C9orf57: variants seen among roughly 807,000 people sequenced by gnomAD.
The protein encoded by C9orf57 is uncharacterized protein C9orf57.
Under a neutral mutation model 12.9 loss-of-function variants are expected in C9orf57, and 12 were observed. That is an observed-to-expected ratio of 0.93 (90% confidence interval 0.60 to 1.51). C9orf57 has a LOEUF of 1.51. Among genes scored for constraint, C9orf57 ranks in the 40% most tolerant of loss-of-function variants. The probability of loss-of-function intolerance (pLI) is 0.00; values close to 1 mark genes in which losing one functional copy is unlikely to be tolerated. For missense variants in C9orf57, 141 were observed against 162.8 expected, an observed-to-expected ratio of 0.87 and a Z score of 0.73; for synonymous variants, 49 against 57.1, an observed-to-expected ratio of 0.86 and a Z score of 0.64.
intron 4 of C9orf57, among the ~76,000 whole-genome samples, chr9:72,053,713 C>A (rs892047642): frequency 6.6e-6 from 1 of 152,170 alleles, no homozygotes; most frequent in African/African-American, 2.4e-5. Flanking sequence ...CGACGTGACC[C>A]CATGATTCTC....
chr9:72,054,096 T>A (rs1824138495), intron 4 of C9orf57, among the ~76,000 whole-genome samples: 1 of 152,350 alleles, frequency 6.6e-6, no homozygotes, highest in South Asian at 2.1e-4. Flanking sequence ...CCTCCCGGGT[T>A]CAAGCGATTC....
In C9orf57 at chr9:72,060,482, T is replaced by A. The variant is rs1824313076; in HGVS notation, c.-54+15A>T. 3 of 1,239,706 alleles carry A rather than the reference T, an allele frequency of 2.4e-6. No homozygotes were observed. The highest frequency in any genetic ancestry group is 3.5e-6 in the Non-Finnish European group (3 of 863,042). The allele number at this position is 1,239,706 out of a possible 1,614,324, so 76.8% of individuals were successfully genotyped here. A position where few individuals can be genotyped will look rare whatever the true frequency, so the allele number is the denominator to read the frequency against. Reference sequence around the variant, plus strand: ...GATTGGGTAAAGTATAATATTTCAGTTGTTCATGACCTACCTATCTTTTTC... The same window carrying A: ...GATTGGGTAAAGTATAATATTTCAGATGTTCATGACCTACCTATCTTTTTC... On this transcript the variant is annotated intron_variant, in intron 1 of 4. Transcript: ENST00000651200.
chr9:72,058,362 T>C (rs1305389192), intron 2 of C9orf57, among the ~76,000 whole-genome samples: 1 of 152,166 alleles, frequency 6.6e-6, no homozygotes, highest in Non-Finnish European at 1.5e-5. Context: ...GGTTTCACCG[T>C]GTTGCCCAGG....
chr9:72,055,253 A>C (rs1824165249), intron 4 of C9orf57, among the ~76,000 whole-genome samples: 1 of 151,626 alleles, frequency 6.6e-6, no homozygotes. Context: ...TTGGATGCTA[A>C]AAGAGCCTCC....
intron 1 of C9orf57, among the ~76,000 whole-genome samples, chr9:72,060,033 C>T (rs1188123923): frequency 6.6e-6 from 1 of 151,580 alleles, no homozygotes; most frequent in Non-Finnish European, 1.5e-5. Flanking sequence ...CATTCATGCT[C>T]CTTTATGAAT....
chr9:72,054,695 T>C (rs1222813455), intron 4 of C9orf57, among the ~76,000 whole-genome samples: 4 of 152,152 alleles, frequency 2.6e-5, no homozygotes, highest in Non-Finnish European at 5.9e-5. Flanking sequence ...CCTTCCTACT[T>C]CCTTTAATAA....
At chr9:72,054,914 A>ATTTTTTTT (rs71353558) in intron 4 of C9orf57, among the ~76,000 whole-genome samples, 1 of 96,518 alleles carries the variant, frequency 1.0e-5, no homozygotes, top group African/African-American at 4.1e-5. Flanking sequence ...GGGGTTTGGG[A>ATTTTTTTT]TTTTTTTTTT....
chr9:72,058,025 A>G (rs1237047400), intron 2 of C9orf57, among the ~76,000 whole-genome samples: 3 of 152,230 alleles, frequency 2.0e-5, no homozygotes, highest in Admixed American at 6.5e-5. Context: ...AGGGCCCCCA[A>G]AAACCTGAGT....
chr9:72,060,452 T>C, intron 1 of C9orf57, 45 bp downstream of exon 1: 2 of 966,418 alleles, frequency 2.1e-6, no homozygotes, highest in Non-Finnish European at 3.3e-6. Flanking sequence ...GGGAAGAAAT[T>C]GTAAGATTGG....
chr9:72,054,789 C>G (rs1038835676), intron 4 of C9orf57, among the ~76,000 whole-genome samples: 2 of 151,422 alleles, frequency 1.3e-5, no homozygotes, highest in Admixed American at 1.3e-4. Context: ...ATCCATGTTT[C>G]TTATATTTTC....
chr9:72,056,276 AAT>A, intron 3 of C9orf57, 80 bp from the exon 4 acceptor site: 1 of 1,146,742 alleles, frequency 8.7e-7, no homozygotes, highest in Non-Finnish European at 1.2e-6. Flanking sequence ...AGATCAAAAA[AAT>A]AAAGTAGTGA....
chr9:72,054,572 T>C (rs2132433114), intron 4 of C9orf57, among the ~76,000 whole-genome samples: 1 of 152,350 alleles, frequency 6.6e-6, no homozygotes, highest in African/African-American at 2.4e-5. Context: ...ACCAATCTGA[T>C]GGGTTAAAAA....
chr9:72,057,129 G>T (rs1224756615), intron 2 of C9orf57, among the ~76,000 whole-genome samples: 1 of 152,076 alleles, frequency 6.6e-6, no homozygotes, highest in Non-Finnish European at 1.5e-5. Context: ...TGCCCAGGCT[G>T]GTCTCTCTGC....
At chr9:72,055,082 T>C (rs1371701573) in intron 4 of C9orf57, among the ~76,000 whole-genome samples, 1 of 150,084 alleles carries the variant, frequency 6.7e-6, no homozygotes, top group Non-Finnish European at 1.5e-5. Flanking sequence ...CAAGCCACCA[T>C]GCGCGACTAA....
At chr9:72,053,704 G>A (rs751940567) in intron 4 of C9orf57, among the ~76,000 whole-genome samples, 2 of 152,164 alleles carry the variant, frequency 1.3e-5, no homozygotes, top group Non-Finnish European at 2.9e-5. Context: ...AACGCCTTGC[G>A]ACGTGACCCC....
chr9:72,056,747 T>A, intron 3 of C9orf57, 37 bp downstream of exon 3: 1 of 1,539,808 alleles, frequency 6.5e-7, no homozygotes, highest in South Asian at 1.2e-5. Context: ...TTCCCTGTGC[T>A]TATTTTAATT....
At chr9:72,053,560 G>T (rs182306318) in intron 4 of C9orf57, among the ~76,000 whole-genome samples, 29 of 152,266 alleles carry the variant, frequency 1.9e-4, no homozygotes, top group Non-Finnish European at 2.9e-4. Flanking sequence ...AACATCTCAT[G>T]GGCCCAGGGA....
chr9:72,056,193 A>G lies in C9orf57; in HGVS notation c.161T>C (p.Val54Ala), dbSNP rs371784072. Reference protein sequence around the residue: ...YWKEEVHIQDVGGLICRACNL... With the variant: ...YWKEEVHIQDAGGLICRACNL... ...GCATGCTCTGCAAATCAAACCTCCA[A>G]CATCTCCAAGTACAGGGGCAGAAAA... Residue 54 changes from valine (V) to alanine (A), a missense_variant, in exon 4 of 5, where the codon GTT (valine) becomes GCT (alanine). Transcript: ENST00000651200. 2.6e-6 allele frequency: 4 copies of G among 1,549,438 alleles called. No homozygotes were observed. The highest frequency in any genetic ancestry group is 3.5e-6 in the Non-Finnish European group (4 of 1,145,676).
In C9orf57 at chr9:72,052,539, T is replaced by C. The variant is rs1293255129; in HGVS notation, c.281-104A>G. The C allele has an allele frequency of 6.5e-6, 7 of 1,082,610 alleles. No individual in the cohort carries two copies. In the Admixed American group the frequency reaches 8.6e-5, roughly 13 times the overall value. 67.1% of individuals were successfully genotyped at this position (1,082,610 alleles called of 1,614,324 possible). A position where few individuals can be genotyped will look rare whatever the true frequency, so the allele number is the denominator to read the frequency against. ...AATACTAAGCAAAACTTTAGTTTTA[T>C]CAAGGTACGAATCTAGCATTTCCAC... On this transcript the variant is annotated intron_variant, in intron 4 of 4. Transcript: ENST00000651200.
Sources: gnomAD v4.1 joint callset for allele counts (sites outside exome capture counted in the v4.1 genomes callset) on GRCh38, gnomAD v4.1.1 for gene constraint, MANE v1.5 for transcripts, NCBI Gene and HGNC (gene_info 2026-07-23, HGNC 2026-07-21) for gene names.